ANKRD63: variants seen among roughly 807,000 people sequenced by gnomAD.
The protein encoded by ANKRD63 is ankyrin repeat domain 63, also known as ankyrin repeat domain-containing protein 63.
A neutral mutation model predicts 21.2 loss-of-function variants in ANKRD63; 18 were observed. The ratio of observed to expected loss-of-function variants is 0.85; its 90% CI spans 0.59 to 1.26. The LOEUF (loss-of-function observed/expected upper bound fraction) is 1.26. Among genes scored for constraint, ANKRD63 ranks in the 50% most tolerant of loss-of-function variants. The pLI is 0.00. For synonymous variants in ANKRD63, 322 were observed against 273.3 expected, an observed-to-expected ratio of 1.18 and a Z score of -1.76; for missense variants, 523 against 570.9, an observed-to-expected ratio of 0.92 and a Z score of 0.85.
Position 40,282,518 on chromosome 15 carries a change from G to T in ANKRD63, c.69C>A (p.Gly23=). 6.6e-7 allele frequency: 1 copy of T among 1,505,682 alleles called. No homozygotes were observed. The highest frequency in any genetic ancestry group is 2.7e-5 in the East Asian group (1 of 37,104). The allele number at this position is 1,505,682 out of a possible 1,614,324, so 93.3% of individuals were successfully genotyped here. ...ACACGAAGCGGGCCAAGTGCACTTTGCCCGCCTGCATGGCCTCCAGGAAGG... is the reference window on the plus strand; with the variant it reads ...ACACGAAGCGGGCCAAGTGCACTTTTCCCGCCTGCATGGCCTCCAGGAAGG... ...TRTFLEAMQA[G]KVHLARFVLD... The change falls in exon 1 of 1, where the codon GGC becomes GGA. Residue 23 remains glycine (G), a synonymous_variant. Coordinates refer to ENST00000434396, the MANE Select transcript of ANKRD63 (RefSeq NM_001190479.3).
rs2039522313 is a variant in ANKRD63, at chr15:40,279,903, G to A, written c.*1541C>T. Among the ~76,000 whole-genome samples, 1 of 152,244 alleles carries A rather than the reference G, an allele frequency of 6.6e-6. No homozygotes were observed. Among genetic ancestry groups the A allele is most frequent in the African/African-American group, 2.4e-5 (1 of 41,472 alleles). ...CGCCTCCCCGCGGGCCAGGCGCACT[G>A]ACACACGTGCTGGCGCTTCCGCAAG... On this transcript the variant is annotated 3_prime_UTR_variant, in exon 1 of 1. Transcript: ENST00000434396.
chr15:40,278,621 C>G lies in ANKRD63; in HGVS notation c.*2823G>C, dbSNP rs144133207. Among the ~76,000 whole-genome samples, 1 of 152,192 alleles carries G rather than the reference C, an allele frequency of 6.6e-6. No homozygotes were observed. Among genetic ancestry groups the G allele is most frequent in the Non-Finnish European group, 1.5e-5 (1 of 68,044 alleles). ...GAGATTGCTAGAGAGGACCCAGCCT[C>G]AACACCCTGGGGCTGACAAAGGGAG... On this transcript the variant is annotated 3_prime_UTR_variant, in exon 1 of 1. Coordinates refer to ENST00000434396, the MANE Select transcript of ANKRD63 (RefSeq NM_001190479.3).
In ANKRD63 at chr15:40,282,039, G is replaced by A; in HGVS notation, c.548C>T (p.Ala183Val). The A allele has an allele frequency of 1.3e-5, 16 of 1,223,370 alleles. No individual in the cohort carries two copies. The highest frequency in any genetic ancestry group is 1.6e-5 in the Non-Finnish European group (16 of 984,190). 75.8% of individuals were successfully genotyped at this position (1,223,370 alleles called of 1,614,324 possible). A position where few individuals can be genotyped will look rare whatever the true frequency, so the allele number is the denominator to read the frequency against. Residue 183 changes from alanine to valine, a missense_variant, in exon 1 of 1, where the codon GCC becomes GTC. Ala to Val is a moderately conservative substitution (Grantham distance 64). Coordinates refer to ENST00000434396, the MANE Select transcript of ANKRD63 (RefSeq NM_001190479.3). Reference protein sequence around the residue: ...LTGPWGRAAAAAAARGSNSDS... With the variant: ...LTGPWGRAAAVAAARGSNSDS... ...GGAGTTGGAGCCCCGGGCCGCAGCG[G>A]CGGCGGCGGCGCGGCCCCAGGGCCC...
Position 40,282,377 on chromosome 15 carries a change from C to T in ANKRD63, c.210G>A (p.Leu70=). ...PALRARFVRL[L]LEQGAAVNLR... ...GGTTCACTGCAGCACCCTGCTCGAG[C>T]AGCAGCCGCACGAAGCGCGCGCGCA... Residue 70 remains leucine, a synonymous_variant, in exon 1 of 1, where the codon CTG becomes CTA. Coordinates refer to ENST00000434396, the MANE Select transcript of ANKRD63 (RefSeq NM_001190479.3). The T allele has an allele frequency of 6.7e-7, 1 of 1,498,574 alleles. No individual in the cohort carries two copies. Among genetic ancestry groups the T allele is most frequent in the Non-Finnish European group, 8.8e-7 (1 of 1,133,262 alleles). The allele number at this position is 1,498,574 out of a possible 1,614,324, so 92.8% of individuals were successfully genotyped here. A position where few individuals can be genotyped will look rare whatever the true frequency, so the allele number is the denominator to read the frequency against.
At position 40,281,484 on chromosome 15, in the gene ANKRD63, TGCCAAGGGTTCG is replaced by T; in HGVS notation, c.1091_1102del (p.Pro364_Trp367del). The T allele has an allele frequency of 7.0e-7, 1 of 1,437,298 alleles. No homozygotes were observed. Among genetic ancestry groups the T allele is most frequent in the Non-Finnish European group, 9.1e-7 (1 of 1,099,312 alleles). 89.0% of individuals were successfully genotyped at this position (1,437,298 alleles called of 1,614,324 possible). ...CAGCACCACAGCCTCGGTGCCCGCC[TGCCAAGGGTTCG>T]GCCCAGGCACCGAGACAGACAGAGC... On this transcript the variant is annotated inframe_deletion, in exon 1 of 1. Transcript: ENST00000434396.
In ANKRD63 at chr15:40,280,524, C is replaced by A. The variant is rs1394112902; in HGVS notation, c.*920G>T. ...CCCGCGGGAGCACCCACGTGCGGGACGGGGGAGCTGGGAGGCGTGGAGGCG... is the reference window on the plus strand; with the variant it reads ...CCCGCGGGAGCACCCACGTGCGGGAAGGGGGAGCTGGGAGGCGTGGAGGCG... On this transcript the variant is annotated 3_prime_UTR_variant, in exon 1 of 1. Transcript: ENST00000434396. Among the ~76,000 whole-genome samples the A allele has an allele frequency of 6.6e-5, 10 of 152,260 alleles. No individual in the cohort carries two copies. The highest frequency in any genetic ancestry group is 1.3e-4 in the Non-Finnish European group (9 of 68,038).
chr15:40,282,599 C>G lies in ANKRD63; in HGVS notation c.-13G>C. 1 of 1,373,328 alleles carries G rather than the reference C, an allele frequency of 7.3e-7. No homozygotes were observed. Among genetic ancestry groups the G allele is most frequent in the Non-Finnish European group, 9.4e-7 (1 of 1,069,054 alleles). The allele number at this position is 1,373,328 out of a possible 1,614,324, so 85.1% of individuals were successfully genotyped here. ...TGGGTTTGAGCATGGCCCCGGCCGC[C>G]GCGCCCGGGCAGCCTGGCAGTTCCG... On this transcript the variant is annotated 5_prime_UTR_variant, in exon 1 of 1. Coordinates refer to ENST00000434396, the MANE Select transcript of ANKRD63 (RefSeq NM_001190479.3).
chr15:40,281,929 C>G lies in ANKRD63; in HGVS notation c.658G>C (p.Ala220Pro), dbSNP rs1257480201. ...CCGCCCGCCGCTCGCGCAAAGCGCG[C>G]CAGGAGAGGCCGCGGGAGGCGGCGG... ...SPRRLPRPLL[A>P]RFARAAGGHG... Residue 220 changes from alanine (A) to proline (P), a missense_variant, in exon 1 of 1, where the codon GCG becomes CCG. Coordinates refer to ENST00000434396, the MANE Select transcript of ANKRD63 (RefSeq NM_001190479.3). The G allele has an allele frequency of 7.5e-7, 1 of 1,339,782 alleles. No homozygotes were observed. The highest frequency in any genetic ancestry group is 9.5e-7 in the Non-Finnish European group (1 of 1,051,892). The allele number at this position is 1,339,782 out of a possible 1,614,324, so 83.0% of individuals were successfully genotyped here. A position where few individuals can be genotyped will look rare whatever the true frequency, so the allele number is the denominator to read the frequency against.
Position 40,281,730 on chromosome 15 carries a change from G to A in ANKRD63, c.857C>T (p.Ser286Phe), listed in dbSNP as rs1317550320. 7 of 1,535,048 alleles carry A rather than the reference G, an allele frequency of 4.6e-6. No individual in the cohort carries two copies. The highest frequency in any genetic ancestry group is 2.4e-5 in the East Asian group (1 of 40,910). The change falls in exon 1 of 1, where the codon TCT becomes TTT. Residue 286 changes from serine (S) to phenylalanine (F), a missense_variant. Ser to Phe is a radical substitution (Grantham distance 155, BLOSUM62 -2). Coordinates refer to ENST00000434396, the MANE Select transcript of ANKRD63 (RefSeq NM_001190479.3). ...TGAGCGCCACCGCCCAGTCCCCGAAGACTGGGGCGAGTTTGGTAGGGCCAT... is the reference window on the plus strand; with the variant it reads ...TGAGCGCCACCGCCCAGTCCCCGAAAACTGGGGCGAGTTTGGTAGGGCCAT... ...ALMALPNSPQ[S>F]SGTGRWRSQE...
At position 40,282,336 on chromosome 15, in the gene ANKRD63, C is replaced by G; in HGVS notation, c.251G>C (p.Gly84Ala). The part of the protein sequence containing the change: ...GAAVNLRDER[G>A]RTALSLACER... Reference sequence around the variant, plus strand: ...GCACGCCAGGCTGAGTGCGGTGCGGCCGCGCTCGTCTCGCAGGTTCACTGC... The same window carrying G: ...GCACGCCAGGCTGAGTGCGGTGCGGGCGCGCTCGTCTCGCAGGTTCACTGC... The change falls in exon 1 of 1, where the codon GGC becomes GCC. Residue 84 changes from glycine (G) to alanine (A), a missense_variant. Physicochemically the swap from Gly to Ala is moderately conservative, Grantham distance 60 (BLOSUM62 0). This residue lies in a region of ANKRD63 where 215 missense variants were observed against 280.4 expected (regional missense o/e 0.77). Transcript: ENST00000434396. The G allele has an allele frequency of 6.6e-7, 1 of 1,512,568 alleles. No homozygotes were observed. The highest frequency in any genetic ancestry group is 8.8e-7 in the Non-Finnish European group (1 of 1,138,686). The allele number at this position is 1,512,568 out of a possible 1,614,324, so 93.7% of individuals were successfully genotyped here.
In ANKRD63 at chr15:40,282,955, G is replaced by C. The variant is rs1430837002; in HGVS notation, c.-369C>G. On this transcript the variant is annotated 5_prime_UTR_variant, in exon 1 of 1. Transcript: ENST00000434396. ...GGCGCCCCTCAGTCCTCGTGGTTTGGAGCCGCCGTGCCACTCACCCGCACC... is the reference window on the plus strand; with the variant it reads ...GGCGCCCCTCAGTCCTCGTGGTTTGCAGCCGCCGTGCCACTCACCCGCACC... Among the ~76,000 whole-genome samples, 1 of 152,158 alleles carries C rather than the reference G, an allele frequency of 6.6e-6. No homozygotes were observed. Among genetic ancestry groups the C allele is most frequent in the Non-Finnish European group, 1.5e-5 (1 of 68,006 alleles).
In ANKRD63 at chr15:40,282,237, C is replaced by T. The variant is rs1270928790; in HGVS notation, c.350G>A (p.Gly117Asp). 1.3e-6 allele frequency: 2 copies of T among 1,518,408 alleles called. No individual in the cohort carries two copies. The highest frequency in any genetic ancestry group is 2.6e-5 in the East Asian group (1 of 38,430). 94.1% of individuals were successfully genotyped at this position (1,518,408 alleles called of 1,614,324 possible). The change falls in exon 1 of 1, where the codon GGC becomes GAC. Residue 117 changes from glycine (G) to aspartate (D), a missense_variant. Gly to Asp is a moderately conservative substitution (Grantham distance 94, BLOSUM62 -1). Around this residue, in one of 2 missense-constraint regions of ANKRD63, gnomAD observed 215 missense variants for 280.4 expected, o/e 0.77. Coordinates refer to ENST00000434396, the MANE Select transcript of ANKRD63 (RefSeq NM_001190479.3). Reference protein sequence around the residue: ...SGDPEAADSAGNSPVMWAAAC... With the variant: ...SGDPEAADSADNSPVMWAAAC... ...CGCCGCCCACATCACCGGGCTGTTG[C>T]CCGCAGAGTCGGCCGCCTCGGGGTC...
rs1265994422 is a variant in ANKRD63, at chr15:40,279,861, A to G, written c.*1583T>C. On this transcript the variant is annotated 3_prime_UTR_variant, in exon 1 of 1. Coordinates refer to ENST00000434396, the MANE Select transcript of ANKRD63 (RefSeq NM_001190479.3). The stretch of plus-strand genomic sequence containing the variant: ...TTCAAGTTCCACCCTCAGGGTTCAC[A>G]AAAGAGCCCCACCTGCCGCCTCCCC... 6.6e-6 allele frequency among the ~76,000 whole-genome samples: 1 copy of G among 152,238 alleles called. No homozygotes were observed. The highest frequency in any genetic ancestry group is 1.5e-5 in the Non-Finnish European group (1 of 68,030).
rs1015102167 is a variant in ANKRD63, at chr15:40,282,629, G to C, written c.-43C>G. 2 of 1,341,244 alleles carry C rather than the reference G, an allele frequency of 1.5e-6. No homozygotes were observed. Among genetic ancestry groups the C allele is most frequent in the South Asian group, 1.8e-5 (1 of 55,866 alleles). 83.1% of individuals were successfully genotyped at this position (1,341,244 alleles called of 1,614,324 possible). A position where few individuals can be genotyped will look rare whatever the true frequency, so the allele number is the denominator to read the frequency against. Reference sequence around the variant, plus strand: ...CCGGGCAGCCTGGCAGTTCCGCACGGGGGCGCCCCTGTTCTCGCGCCCCGC... The same window carrying C: ...CCGGGCAGCCTGGCAGTTCCGCACGCGGGCGCCCCTGTTCTCGCGCCCCGC... On this transcript the variant is annotated 5_prime_UTR_variant, in exon 1 of 1. Coordinates refer to ENST00000434396, the MANE Select transcript of ANKRD63 (RefSeq NM_001190479.3).
In ANKRD63 at chr15:40,279,782, A is replaced by G. The variant is rs1566862141; in HGVS notation, c.*1662T>C. ...GCTGGCGAGAAACCTTCCGTACTGC[A>G]AAGGCAAACAGATCGAAGTCTTGCA... On this transcript the variant is annotated 3_prime_UTR_variant, in exon 1 of 1. Coordinates refer to ENST00000434396, the MANE Select transcript of ANKRD63 (RefSeq NM_001190479.3). Among the ~76,000 whole-genome samples the G allele has an allele frequency of 6.6e-6, 1 of 152,352 alleles. No individual in the cohort carries two copies. The highest frequency in any genetic ancestry group is 1.9e-4 in the East Asian group (1 of 5,182).
Position 40,281,416 on chromosome 15 carries a change from G to T in ANKRD63, c.*28C>A. 1 of 1,364,322 alleles carries T rather than the reference G, an allele frequency of 7.3e-7. No individual in the cohort carries two copies. The highest frequency in any genetic ancestry group is 9.4e-7 in the Non-Finnish European group (1 of 1,062,216). The allele number at this position is 1,364,322 out of a possible 1,614,324, so 84.5% of individuals were successfully genotyped here. On this transcript the variant is annotated 3_prime_UTR_variant, in exon 1 of 1. Transcript: ENST00000434396. ...AGTGGAGTAGAAACGGGAGGGTAGG[G>T]GAAGCAGGCCTCGGGCCTTGGCGCC...
rs2039561046 is a variant in ANKRD63 at position 40,282,758 on chromosome 15, C to G, written c.-172G>C. ...TACTCCGCTGTCCCGGAGGCTCCGA[C>G]TGCCCCGCCGCTCCTGGGCCGCACG... On this transcript the variant is annotated 5_prime_UTR_variant, in exon 1 of 1. Transcript: ENST00000434396. Among the ~76,000 whole-genome samples, 1 of 152,200 alleles carries G rather than the reference C, an allele frequency of 6.6e-6. No individual in the cohort carries two copies. The highest frequency in any genetic ancestry group is 2.4e-5 in the African/African-American group (1 of 41,454).
rs2039515159 is a variant in ANKRD63, at chr15:40,279,159, A to T, written c.*2285T>A. 6.6e-6 allele frequency among the ~76,000 whole-genome samples: 1 copy of T among 152,078 alleles called. No homozygotes were observed. Among genetic ancestry groups the T allele is most frequent in the Admixed American group, 6.5e-5 (1 of 15,282 alleles). On this transcript the variant is annotated 3_prime_UTR_variant, in exon 1 of 1. Coordinates refer to ENST00000434396, the MANE Select transcript of ANKRD63 (RefSeq NM_001190479.3). ...GCACCCACCACCCAGACGGGGACTG[A>T]GGAGAGGCAGATGTTTTGGGAGAAG...
rs1300842332 is a variant in ANKRD63, at chr15:40,279,564, T to C, written c.*1880A>G. Among the ~76,000 whole-genome samples, 1 of 152,194 alleles carries C rather than the reference T, an allele frequency of 6.6e-6. No individual in the cohort carries two copies. The highest frequency in any genetic ancestry group is 1.5e-5 in the Non-Finnish European group (1 of 68,022). ...GGGCGCAGCGGGGAGGGCCCAGCGCTGCCACCAGGGGGCACCAGAGATCAC... is the reference window on the plus strand; with the variant it reads ...GGGCGCAGCGGGGAGGGCCCAGCGCCGCCACCAGGGGGCACCAGAGATCAC... On this transcript the variant is annotated 3_prime_UTR_variant, in exon 1 of 1. Coordinates refer to ENST00000434396, the MANE Select transcript of ANKRD63 (RefSeq NM_001190479.3).
Sources: allele counts gnomAD v4.1 joint callset (sites outside exome capture counted in the v4.1 genomes callset), GRCh38; gene constraint gnomAD v4.1.1; regional missense constraint gnomAD v4.1.1; transcripts MANE v1.5; gene names NCBI Gene and HGNC (gene_info 2026-07-23, HGNC 2026-07-21).